The following POU2F1 variants were observed in gnomAD, a reference collection of about 807,000 sequenced individuals.
The protein encoded by POU2F1 is POU domain, class 2, transcription factor 1.
Under a neutral mutation model 84.9 loss-of-function variants are expected in POU2F1, and 16 were observed. The ratio of observed to expected loss-of-function variants is 0.19; its 90% CI spans 0.13 to 0.29. The LOEUF (loss-of-function observed/expected upper bound fraction) is 0.29, where lower values mean the gene tolerates loss of function less well. POU2F1 is among the 10% of genes least tolerant of loss of function. The pLI is 1.00. For synonymous variants in POU2F1, 368 were observed against 368.3 expected, an observed-to-expected ratio of 1.00 and a Z score of 0.01; for missense variants, 738 against 942.6, an observed-to-expected ratio of 0.78 and a Z score of 2.84.
At chr1:167,413,152 CGTGTGTGTGAGTGTGTGTGTGTGTGT>C in intron 15 of POU2F1, 38 bp downstream of exon 15, 3 of 1,464,280 alleles carry the variant, frequency 2.0e-6, no homozygotes, top group Non-Finnish European at 2.8e-6. Context: ...GTGGCATGCA[CGTGTGTGTGAGTGTGTGTGTGTGTGT>C]GTGTGTGTGT....
intron 2 of POU2F1, among the ~76,000 whole-genome samples, chr1:167,335,828 A>G (rs930034621): frequency 6.6e-6 from 1 of 152,244 alleles, no homozygotes; most frequent in Non-Finnish European, 1.5e-5. Context: ...TTTGAGGGTC[A>G]GTCTCAAAGA....
At chr1:167,366,310 G>C (rs753895400) in intron 3 of POU2F1, among the ~76,000 whole-genome samples, 12 of 152,106 alleles carry the variant, frequency 7.9e-5, no homozygotes, top group Non-Finnish European at 1.3e-4. Context: ...ATATTTTGGT[G>C]GTCTATATGT....
At chr1:167,259,460 G>A (rs909081901) in intron 1 of POU2F1, among the ~76,000 whole-genome samples, 3 of 152,128 alleles carry the variant, frequency 2.0e-5, no homozygotes, top group Non-Finnish European at 2.9e-5. Context: ...TGATTTAGTC[G>A]TTTTTCTTTT....
chr1:167,237,746 G>GTGTA (rs1478366181), intron 1 of POU2F1, among the ~76,000 whole-genome samples: 22 of 73,002 alleles, frequency 3.0e-4, no homozygotes, highest in African/African-American at 1.2e-3. Context: ...ATGTGTGTGT[G>GTGTA]TATATATATA....
chr1:167,230,447 A>G (rs1648986764), intron 1 of POU2F1, among the ~76,000 whole-genome samples: 1 of 152,150 alleles, frequency 6.6e-6, no homozygotes, highest in African/African-American at 2.4e-5. Context: ...TTAAAGGCAA[A>G]AGTGGAGCTG....
intron 7 of POU2F1, among the ~76,000 whole-genome samples, chr1:167,377,311 G>A (rs1237042369): frequency 6.6e-6 from 1 of 152,170 alleles, no homozygotes; most frequent in African/African-American, 2.4e-5. Context: ...TAATGGCCAG[G>A]CGTGGTGGCT....
Position 167,376,065 on chromosome 1 carries a change from C to T in POU2F1, c.628C>T (p.Leu210Phe), listed in dbSNP as rs1367223957. Residue 210 changes from leucine (L) to phenylalanine (F), a missense_variant, in exon 7 of 16, where the codon CTC (leucine) becomes TTC (phenylalanine). Physicochemically the swap from Leu to Phe is conservative, Grantham distance 22. Around this residue, in one of 4 missense-constraint regions of POU2F1, gnomAD observed 163 missense variants for 214.4 expected, o/e 0.76. Transcript: ENST00000367866. ...ACTGCAACAGCTTCAACAGCAGAAT[C>T]TCAACCTGCAACAGTTTGTGTTGGT... ...QQLQQLQQQN[L>F]NLQQFVLVHP... 1.2e-6 allele frequency: 2 copies of T among 1,614,070 alleles called. No homozygotes were observed. Among genetic ancestry groups the T allele is most frequent in the Admixed American group, 1.7e-5 (1 of 60,000 alleles).
At chr1:167,244,816 T>C (rs1458782131) in intron 1 of POU2F1, among the ~76,000 whole-genome samples, 7 of 152,178 alleles carry the variant, frequency 4.6e-5, no homozygotes, top group Admixed American at 1.3e-4. Context: ...ATGGGAGATA[T>C]AATACCTTCC....
chr1:167,277,147 C>A (rs984088880), intron 1 of POU2F1, among the ~76,000 whole-genome samples: 7 of 151,906 alleles, frequency 4.6e-5, no homozygotes, highest in Admixed American at 2.0e-4. Context: ...ACCTTTTTTT[C>A]CCTGAAAGCT....
intron 1 of POU2F1, among the ~76,000 whole-genome samples, chr1:167,263,505 G>A (rs1388998962): frequency 6.7e-6 from 1 of 149,810 alleles, no homozygotes; most frequent in Non-Finnish European, 1.5e-5. Context: ...CAACAAGAGC[G>A]AAACTCCGAC....
intron 7 of POU2F1, 46 bp from the exon 8 acceptor site, chr1:167,383,811 C>A: frequency 1.3e-6 from 2 of 1,508,936 alleles, no homozygotes; most frequent in South Asian, 2.3e-5. Context: ...GCCATGTGTT[C>A]GAAGAAATCT....
intron 2 of POU2F1, among the ~76,000 whole-genome samples, chr1:167,353,615 G>A (rs1478503600): frequency 6.6e-6 from 1 of 152,118 alleles, no homozygotes; most frequent in Admixed American, 6.5e-5. Context: ...ACTTATGAAA[G>A]AAACGATCAT....
intron 1 of POU2F1, among the ~76,000 whole-genome samples, chr1:167,292,850 C>T (rs147449527): frequency 7.9e-5 from 12 of 152,210 alleles, no homozygotes; most frequent in African/African-American, 2.6e-4. Context: ...GATGATTTAA[C>T]ATACACAAGT....
At chr1:167,276,588 G>T (rs575457385) in intron 1 of POU2F1, among the ~76,000 whole-genome samples, 1 of 152,082 alleles carries the variant, frequency 6.6e-6, no homozygotes, top group Non-Finnish European at 1.5e-5. Context: ...TTTTTAGGAC[G>T]TTATTTCCTG....
chr1:167,227,689 T>TGTA (rs1251468735), intron 1 of POU2F1, among the ~76,000 whole-genome samples: 1 of 152,188 alleles, frequency 6.6e-6, no homozygotes, highest in Non-Finnish European at 1.5e-5. Context: ...GTCCTATGCC[T>TGTA]GTAGTCTTTG....
chr1:167,259,836 G>A (rs73034568), intron 1 of POU2F1, among the ~76,000 whole-genome samples: 1 of 151,720 alleles, frequency 6.6e-6, no homozygotes, highest in African/African-American at 2.4e-5. Context: ...TTTCTTTATT[G>A]TTAATGATAT....
intron 8 of POU2F1, among the ~76,000 whole-genome samples, chr1:167,388,405 G>A (rs1484139299): frequency 1.3e-5 from 2 of 152,130 alleles, no homozygotes. Flanking sequence ...TGTTTATCTA[G>A]TTACCAGAAA....
chr1:167,359,135 A>T (rs1285179655), intron 2 of POU2F1, among the ~76,000 whole-genome samples: 1 of 149,830 alleles, frequency 6.7e-6, no homozygotes, highest in Non-Finnish European at 1.5e-5. Flanking sequence ...GTATTAAACC[A>T]CTCCATCCTT....
At chr1:167,378,391 A>G (rs1660472120) in intron 7 of POU2F1, among the ~76,000 whole-genome samples, 1 of 144,792 alleles carries the variant, frequency 6.9e-6, no homozygotes, top group Non-Finnish European at 1.5e-5. Flanking sequence ...ATGCGCCACC[A>G]TGCCCAGCTA....
Sources: allele counts gnomAD v4.1 joint callset (sites outside exome capture counted in the v4.1 genomes callset), GRCh38; gene constraint gnomAD v4.1.1; regional missense constraint gnomAD v4.1.1; transcripts MANE v1.5; gene names NCBI Gene and HGNC (gene_info 2026-07-23, HGNC 2026-07-21).